Variants in ATP13A4 observed in about 807,000 individuals in gnomAD.
The protein encoded by ATP13A4 is probable cation-transporting ATPase 13A4.
ATP13A4 carries 114 observed loss-of-function variants against 142.5 expected under a neutral mutation model. The ratio of observed to expected loss-of-function variants is 0.80; its 90% confidence interval spans 0.69 to 0.93. The LOEUF is 0.93. Among genes scored for constraint, ATP13A4 ranks in the 40% least tolerant of loss-of-function variants. The pLI, the probability that ATP13A4 is intolerant of heterozygous loss-of-function variation, is 0.00. For missense variants in ATP13A4, 1,392 were observed against 1,454.0 expected (o/e 0.96, Z 0.69); for synonymous variants, 488 against 514.8 (o/e 0.95, Z 0.70).
chr3:193,573,308 C>CTTATATATATAT (rs1229145689), intron 2 of ATP13A4, among the ~76,000 whole-genome samples: 2 of 103,674 alleles, frequency 1.9e-5, no homozygotes, highest in African/African-American at 9.5e-5. Context: ...TATATATATA[C>CTTATATATATAT]ATATATATAT....
In ATP13A4 at chr3:193,585,175, T is replaced by C. The variant is rs538549302; in HGVS notation, n.92-3269A>G. 6.6e-5 allele frequency among the ~76,000 whole-genome samples: 10 copies of C among 152,290 alleles called. No individual in the cohort carries two copies. In the East Asian group the frequency reaches 1.9e-3, roughly 29 times the overall value. ...GCTCACCCCTGTAATCCCAGCACTT[T>C]GGGAGGCAAAGGTTCGTGGCTCACT... On this transcript the variant is annotated intron_variant and non_coding_transcript_variant, in intron 1 of 3. Coordinates refer to the ATP13A4 transcript ENST00000489140.
Position 193,462,384 on chromosome 3 carries a change from C to T in ATP13A4, c.1523+378G>A, listed in dbSNP as rs1041758509. Among the ~76,000 whole-genome samples, 3 of 152,238 alleles carry T rather than the reference C, an allele frequency of 2.0e-5. No homozygotes were observed. In the South Asian group the frequency reaches 6.2e-4, roughly 32 times the overall value. ...GTAAGAGCAGTGTCCTTCCTCCTAG[C>T]ACATCAAGAGGCTTCAGCTTGAACA... On this transcript the variant is annotated intron_variant, in intron 13 of 29. Transcript: ENST00000342695.
Position 193,582,084 on chromosome 3 carries a change from CATATAT to C in ATP13A4, n.92-184_92-179del, listed in dbSNP as rs71912541. Among the ~76,000 whole-genome samples, 7 of 43,576 alleles carry C rather than the reference CATATAT, an allele frequency of 1.6e-4. No homozygotes were observed. In the East Asian group the frequency reaches 2.1e-3, roughly 13 times the overall value. The allele number at this position is 43,576 out of a possible 152,430, so 28.6% of individuals were successfully genotyped here. Reference sequence around the variant, plus strand: ...TTACTAAAATACCTGAAAAGACTTCCATATATATATATATATATATATATAATATAC... The same window carrying C: ...TTACTAAAATACCTGAAAAGACTTCCATATATATATATATATATAATATAC... On this transcript the variant is annotated intron_variant and non_coding_transcript_variant, in intron 1 of 3. Coordinates refer to the ATP13A4 transcript ENST00000489140.
chr3:193,575,792 T>C (rs866482976), intron 2 of ATP13A4, among the ~76,000 whole-genome samples: 2 of 152,216 alleles, frequency 1.3e-5, no homozygotes, highest in African/African-American at 2.4e-5. Context: ...GGTGGAAGTT[T>C]TTTTAAGTAT....
At chr3:193,502,858 T>G (rs4687441) in intron 2 of ATP13A4, among the ~76,000 whole-genome samples, 64,346 of 151,992 alleles carry the variant, frequency 0.42, 13,728 homozygotes, top group East Asian at 0.49. Flanking sequence ...GATGAGGCAC[T>G]GACACATAAC....
intron 2 of ATP13A4, among the ~76,000 whole-genome samples, chr3:193,573,307 A>ATATGTATATATATATATATT (rs1491575912): frequency 1.1e-4 from 14 of 129,882 alleles, no homozygotes; most frequent in African/African-American, 2.6e-4. Flanking sequence ...ATATATATAT[A>ATATGTATATATATATATATT]CATATATATA....
chr3:193,514,721 C>T lies in ATP13A4; in HGVS notation c.211G>A (p.Asp71Asn), dbSNP rs900754046. ...HCVPCSLQEADTVLLRTTDEF... is the reference protein window; with the variant it reads ...HCVPCSLQEANTVLLRTTDEF... ...ACCGTTGTCCTCAGCAACACAGTGT[C>T]TGCTTCTTGCAAGGAACATGGGACA... is the stretch of plus-strand genomic sequence containing the variant. The change falls in exon 2 of 30, where the codon GAC (aspartate) becomes AAC (asparagine). Residue 71 changes from aspartate (D) to asparagine (N), a missense_variant. Coordinates refer to ENST00000342695, the MANE Select transcript of ATP13A4 (RefSeq NM_032279.4). 5 of 1,614,202 alleles carry T rather than the reference C, an allele frequency of 3.1e-6. No individual in the cohort carries two copies. Among genetic ancestry groups the T allele is most frequent in the African/African-American group, 1.3e-5 (1 of 75,058 alleles).
At chr3:193,487,093 G>A (rs550296156) in intron 7 of ATP13A4, among the ~76,000 whole-genome samples, 1 of 152,266 alleles carries the variant, frequency 6.6e-6, no homozygotes, top group East Asian at 1.9e-4. Context: ...AGAGAAGGAT[G>A]AGCTATCAAA....
chr3:193,524,411 G>C (rs778847731), intron 1 of ATP13A4, among the ~76,000 whole-genome samples: 3 of 152,234 alleles, frequency 2.0e-5, no homozygotes, highest in Non-Finnish European at 4.4e-5. Flanking sequence ...TTGGTGTCCA[G>C]AGAGCTGGAG....
intron 15 of ATP13A4, 63 bp downstream of exon 15, chr3:193,457,316 G>A: frequency 6.3e-7 from 1 of 1,592,994 alleles, no homozygotes; most frequent in East Asian, 2.2e-5. Flanking sequence ...TTCAAAAACT[G>A]GGGGCCAGAA....
intron 1 of ATP13A4, among the ~76,000 whole-genome samples, chr3:193,586,800 C>T (rs1206948990): frequency 6.6e-6 from 1 of 152,202 alleles, no homozygotes; most frequent in African/African-American, 2.4e-5. Context: ...TTTATAAATG[C>T]TCTGGCATCA....
chr3:193,453,496 T>A (rs1345679341), intron 17 of ATP13A4, among the ~76,000 whole-genome samples: 1 of 152,182 alleles, frequency 6.6e-6, no homozygotes, highest in Non-Finnish European at 1.5e-5. Context: ...ATTGAACTCA[T>A]AAATACTGCA....
At chr3:193,540,102 T>G (rs953088106) in intron 1 of ATP13A4, among the ~76,000 whole-genome samples, 3 of 152,008 alleles carry the variant, frequency 2.0e-5, no homozygotes, top group African/African-American at 7.2e-5. Context: ...TAAGAGGAAT[T>G]TTCACTTTTA....
At chr3:193,466,433 G>A (rs1025084674) in intron 10 of ATP13A4, among the ~76,000 whole-genome samples, 9 of 152,156 alleles carry the variant, frequency 5.9e-5, no homozygotes, top group African/African-American at 1.7e-4. Context: ...GAAAACCGCC[G>A]TACTGGGTGC....
chr3:193,404,122 T>G (rs147781160), intron 29 of ATP13A4: 9 of 985,420 alleles, frequency 9.1e-6, no homozygotes, highest in Admixed American at 1.2e-4. Context: ...AGCAAGGTTT[T>G]TTTGTCCTCC....
chr3:193,449,832 G>A (rs761563771), intron 17 of ATP13A4, among the ~76,000 whole-genome samples: 1 of 152,118 alleles, frequency 6.6e-6, no homozygotes, highest in Non-Finnish European at 1.5e-5. Context: ...AGAAATCATT[G>A]CTCCCAGACA....
chr3:193,579,483 A>G (rs1486084077), intron 2 of ATP13A4: 1 of 123,138 alleles, frequency 8.1e-6, no homozygotes, highest in African/African-American at 3.6e-5. Flanking sequence ...GGGAATATAT[A>G]TGTATTGTAA....
At chr3:193,504,036 A>T (rs1720717960) in intron 2 of ATP13A4, among the ~76,000 whole-genome samples, 1 of 132,392 alleles carries the variant, frequency 7.6e-6, no homozygotes, top group South Asian at 2.2e-4. Context: ...AGAGAGAGAG[A>T]GAGAGAAAGA....
At chr3:193,571,367 G>A (rs968720931) in intron 2 of ATP13A4, among the ~76,000 whole-genome samples, 3 of 151,572 alleles carry the variant, frequency 2.0e-5, no homozygotes, top group Non-Finnish European at 2.9e-5. Context: ...TAAATCTTCC[G>A]TACAGAATTC....
Sources: allele counts gnomAD v4.1 joint callset (sites outside exome capture counted in the v4.1 genomes callset), GRCh38; gene constraint gnomAD v4.1.1; transcripts MANE v1.5; gene names NCBI Gene and HGNC (gene_info 2026-07-23, HGNC 2026-07-21).